Variants in HPSE2 observed in about 807,000 individuals in gnomAD.
The protein encoded by HPSE2 is inactive heparanase-2.
HPSE2 carries 38 observed loss-of-function variants against 60.5 expected under a neutral mutation model. That is an observed-to-expected ratio of 0.63 (90% CI 0.48 to 0.82). The LOEUF (loss-of-function observed/expected upper bound fraction) is 0.82. HPSE2 is among the 40% of genes least tolerant of loss of function. HPSE2 has a pLI of 0.00. For missense variants in HPSE2, 713 were observed against 740.4 expected (o/e 0.96, Z 0.43); for synonymous variants, 295 against 293.2 (o/e 1.01, Z -0.06).
chr10:99,033,262 G>C (rs1957537473), intron 3 of HPSE2, among the ~76,000 whole-genome samples: 2 of 151,958 alleles, frequency 1.3e-5, no homozygotes, highest in South Asian at 4.2e-4. Context: ...TTTCCTTTTG[G>C]GGGGAGATTA....
chr10:98,721,415 T>C (rs1311983017), intron 5 of HPSE2, among the ~76,000 whole-genome samples: 1 of 152,032 alleles, frequency 6.6e-6, no homozygotes, highest in African/African-American at 2.4e-5. Flanking sequence ...TTCCAACCCA[T>C]CCTAGAGATT....
intron 3 of HPSE2, among the ~76,000 whole-genome samples, chr10:98,935,521 T>C (rs947029996): frequency 1.4e-5 from 2 of 144,442 alleles, no homozygotes; most frequent in African/African-American, 5.6e-5. Flanking sequence ...TATTTGTTTC[T>C]TTTTCTTCTA....
At chr10:98,590,650 T>C (rs1456417750) in intron 9 of HPSE2, among the ~76,000 whole-genome samples, 3 of 152,196 alleles carry the variant, frequency 2.0e-5, no homozygotes, top group Non-Finnish European at 4.4e-5. Context: ...AATTGAAATC[T>C]GTACACCAGG....
intron 3 of HPSE2, among the ~76,000 whole-genome samples, chr10:98,811,478 T>C (rs1951168404): frequency 6.6e-6 from 1 of 152,114 alleles, no homozygotes; most frequent in Non-Finnish European, 1.5e-5. Context: ...TGAAGACTAA[T>C]GTCCAAGAGG....
intron 3 of HPSE2, among the ~76,000 whole-genome samples, chr10:98,989,697 T>C (rs117164404): frequency 6.6e-6 from 1 of 152,000 alleles, no homozygotes; most frequent in Admixed American, 6.5e-5. Flanking sequence ...TAATCCAGGA[T>C]GCTTGGTCTC....
intron 2 of HPSE2, among the ~76,000 whole-genome samples, chr10:99,171,795 A>G (rs1447608161): frequency 6.6e-6 from 1 of 152,266 alleles, no homozygotes; most frequent in African/African-American, 2.4e-5. Context: ...TGGCATCAAT[A>G]GCCTTTGCCT....
rs77395585 is a variant in HPSE2, at chr10:98,890,902, T to C, written c.611-146846A>G. On this transcript the variant is annotated intron_variant, in intron 3 of 11. Transcript: ENST00000370552. The stretch of plus-strand genomic sequence containing the variant: ...TCAAAGTATTTACTCCAAATATCAA[T>C]TGAACTCTTAACTAATAAAAATATA... Among the ~76,000 whole-genome samples, 388 of 152,350 alleles carry C rather than the reference T, an allele frequency of 2.5e-3. 1 individual carries two copies. Among genetic ancestry groups the C allele is most frequent in the Non-Finnish European group, 2.7e-3 (183 of 68,038 alleles).
At chr10:98,896,788 A>C in intron 3 of HPSE2, among the ~76,000 whole-genome samples, 1 of 152,300 alleles carries the variant, frequency 6.6e-6, no homozygotes, top group African/African-American at 2.4e-5. Context: ...GATCCAATTG[A>C]TATTAAAAGG....
intron 9 of HPSE2, among the ~76,000 whole-genome samples, chr10:98,595,865 C>G (rs144397827): frequency 6.6e-6 from 1 of 151,980 alleles, no homozygotes; most frequent in Non-Finnish European, 1.5e-5. Context: ...TATTGTTTTG[C>G]GATACATTCT....
chr10:98,607,435 A>C (rs1370319561), intron 9 of HPSE2, among the ~76,000 whole-genome samples: 1 of 152,210 alleles, frequency 6.6e-6, no homozygotes, highest in Non-Finnish European at 1.5e-5. Context: ...TGTCATTAGC[A>C]CTTTGATGTC....
rs769001276 is a variant in HPSE2 at position 99,144,220 on chromosome 10, C to T, written c.610+18G>A. On this transcript the variant is annotated intron_variant, in intron 3 of 11. Transcript: ENST00000370552. The stretch of plus-strand genomic sequence containing the variant: ...TAACTGAATGCTCTAAGATTTCAAC[C>T]AACTCCAATAGCCTTACCTGTTAAT... 1 of 1,612,924 alleles carries T rather than the reference C, an allele frequency of 6.2e-7. No homozygotes were observed. Among genetic ancestry groups the T allele is most frequent in the Admixed American group, 1.7e-5 (1 of 60,020 alleles).
intron 6 of HPSE2, among the ~76,000 whole-genome samples, chr10:98,645,115 A>G (rs72831966): frequency 0.01 from 1,556 of 152,334 alleles, 13 homozygotes; most frequent in South Asian, 0.027. Context: ...CCATCAACAT[A>G]TAAGAGAGAT....
chr10:98,724,655 C>T lies in HPSE2; in HGVS notation c.785-2827G>A, dbSNP rs1485903335. On this transcript the variant is annotated intron_variant, in intron 4 of 11. Transcript: ENST00000370552. ...CTTTATGAATCTGGGTGCTCCTGTA[C>T]TGGGTGCATATATATTTAGGATAGT... Among the ~76,000 whole-genome samples the T allele has an allele frequency of 2.7e-4, 41 of 152,166 alleles. No individual in the cohort carries two copies. The East Asian group carries it at 5.2e-3, about 19-fold the overall frequency.
At chr10:98,505,168 T>C (rs1942159989) in intron 9 of HPSE2, among the ~76,000 whole-genome samples, 1 of 152,224 alleles carries the variant, frequency 6.6e-6, no homozygotes, top group African/African-American at 2.4e-5. Context: ...TGTTCCTGTT[T>C]CCTTATATAC....
intron 3 of HPSE2, among the ~76,000 whole-genome samples, chr10:98,882,188 G>C (rs12573676): frequency 6.6e-6 from 1 of 151,984 alleles, no homozygotes; most frequent in Non-Finnish European, 1.5e-5. Context: ...ACCCAGAACC[G>C]ATCAGCAGCC....
intron 3 of HPSE2, among the ~76,000 whole-genome samples, chr10:98,812,142 GA>G (rs973728908): frequency 2.0e-5 from 3 of 152,058 alleles, no homozygotes; most frequent in Non-Finnish European, 2.9e-5. Flanking sequence ...ACTAGCCAGG[GA>G]AAATGCTATA....
chr10:98,612,930 C>G (rs79798430), intron 9 of HPSE2, among the ~76,000 whole-genome samples: 2 of 152,124 alleles, frequency 1.3e-5, no homozygotes, highest in Non-Finnish European at 2.9e-5. Context: ...CTCCCCCTTC[C>G]TCATCATGCC....
At chr10:98,505,534 A>G (rs1374385224) in intron 9 of HPSE2, among the ~76,000 whole-genome samples, 1 of 152,170 alleles carries the variant, frequency 6.6e-6, no homozygotes, top group Non-Finnish European at 1.5e-5. Flanking sequence ...CTTGATTTAC[A>G]TCCTTGCCCA....
Position 99,146,793 on chromosome 10 carries a change from G to A in HPSE2, c.449-2394C>T, listed in dbSNP as rs574897125. ...GGAGAATTACTTGAACGCAGGAAGC[G>A]GAGGTTGCAGTGAGCCGAGATCGTA... On this transcript the variant is annotated intron_variant, in intron 2 of 11. Coordinates refer to ENST00000370552, the MANE Select transcript of HPSE2 (RefSeq NM_021828.5). 8.5e-4 allele frequency among the ~76,000 whole-genome samples: 130 copies of A among 152,168 alleles called. 2 individuals carry two copies. In the South Asian group the frequency reaches 0.026, roughly 30 times the overall value.
Sources: gnomAD v4.1 joint callset for allele counts (sites outside exome capture counted in the v4.1 genomes callset) on GRCh38, gnomAD v4.1.1 for gene constraint, MANE v1.5 for transcripts, NCBI Gene and HGNC (gene_info 2026-07-23, HGNC 2026-07-21) for gene names.